The following ATP13A4 variants were observed in gnomAD, a reference collection of about 807,000 sequenced individuals.
The protein encoded by ATP13A4 is probable cation-transporting ATPase 13A4.
A neutral mutation model predicts 142.5 loss-of-function variants in ATP13A4; 114 were observed. The ratio of observed to expected loss-of-function variants is 0.80; its 90% confidence interval spans 0.69 to 0.93. ATP13A4 has a LOEUF of 0.93. ATP13A4 is among the 40% of genes least tolerant of loss of function. The pLI is 0.00. For synonymous variants in ATP13A4, 488 were observed against 514.8 expected (o/e 0.95, Z 0.70); for missense variants, 1,392 against 1,454.0 (o/e 0.96, Z 0.69).
intron 14 of ATP13A4, among the ~76,000 whole-genome samples, chr3:193,457,932 C>T (rs1717732979): frequency 6.6e-6 from 1 of 152,182 alleles, no homozygotes; most frequent in Non-Finnish European, 1.5e-5. Context: ...GGTTAATAAT[C>T]AGTAATTGCT....
intron 1 of ATP13A4, among the ~76,000 whole-genome samples, chr3:193,584,287 C>A (rs1030788390): frequency 6.6e-6 from 1 of 152,030 alleles, no homozygotes; most frequent in African/African-American, 2.4e-5. Flanking sequence ...AAAGGTTTGA[C>A]CAGTCACTGC....
upstream of ATP13A4, among the ~76,000 whole-genome samples, chr3:193,558,676 G>A (rs1723953909): frequency 6.6e-6 from 1 of 152,168 alleles, no homozygotes; most frequent in Non-Finnish European, 1.5e-5. Flanking sequence ...GGTGGGAAAG[G>A]AAAGCATTAT....
intron 5 of ATP13A4, among the ~76,000 whole-genome samples, chr3:193,492,476 T>C (rs1406667496): frequency 6.6e-6 from 1 of 152,204 alleles, no homozygotes; most frequent in Non-Finnish European, 1.5e-5. Context: ...GCTCCATGGT[T>C]ATTATTTAAC....
intron 25 of ATP13A4, among the ~76,000 whole-genome samples, chr3:193,417,711 C>T (rs113909263): frequency 0.053 from 8,013 of 150,952 alleles, 1,012 homozygotes; most frequent in African/African-American, 0.18. Context: ...ATTGGCCAGG[C>T]GCGGTGGCTC....
intron 1 of ATP13A4, among the ~76,000 whole-genome samples, chr3:193,527,567 A>T (rs531946730): frequency 1.7e-4 from 26 of 150,758 alleles, no homozygotes; most frequent in African/African-American, 5.6e-4. Flanking sequence ...AGCTGAGATC[A>T]CGCCACTGCA....
rs1401580593 is a variant in ATP13A4 at position 193,489,695 on chromosome 3, C to T, written c.738+35G>A. On this transcript the variant is annotated intron_variant, in intron 7 of 29. Coordinates refer to ENST00000342695, the MANE Select transcript of ATP13A4 (RefSeq NM_032279.4). ...TTTTTAATAAAGTCATTATCCTTCC[C>T]TTTATGAAACCATAGAATTAATAGA... The T allele has an allele frequency of 6.9e-6, 11 of 1,584,838 alleles. No individual in the cohort carries two copies. In the African/African-American group the frequency reaches 1.2e-4, roughly 17 times the overall value.
At chr3:193,564,182 C>T (rs1724083877) in intron 2 of ATP13A4, among the ~76,000 whole-genome samples, 1 of 152,236 alleles carries the variant, frequency 6.6e-6, no homozygotes, top group Admixed American at 6.5e-5. Context: ...ACCTGCCTAG[C>T]TGGGCCTTGC....
chr3:193,493,386 A>G (rs1309971304), intron 3 of ATP13A4, among the ~76,000 whole-genome samples: 2 of 152,208 alleles, frequency 1.3e-5, no homozygotes, highest in African/African-American at 4.8e-5. Flanking sequence ...TACTATATAG[A>G]AAAATATATA....
intron 1 of ATP13A4, among the ~76,000 whole-genome samples, chr3:193,539,483 C>G (rs529031039): frequency 6.6e-6 from 1 of 152,362 alleles, no homozygotes; most frequent in African/African-American, 2.4e-5. Context: ...GATACATGCT[C>G]TACCCTAAAA....
At chr3:193,417,375 C>G (rs1298509072) in intron 25 of ATP13A4, among the ~76,000 whole-genome samples, 1 of 152,114 alleles carries the variant, frequency 6.6e-6, no homozygotes, top group Non-Finnish European at 1.5e-5. Context: ...CTTTATATAT[C>G]CATGTTATTT....
Position 193,517,655 on chromosome 3 carries a change from T to C in ATP13A4, c.61-2784A>G, listed in dbSNP as rs193251416. On this transcript the variant is annotated intron_variant, in intron 1 of 29. Coordinates refer to ENST00000342695, the MANE Select transcript of ATP13A4 (RefSeq NM_032279.4). Reference sequence around the variant, plus strand: ...GCCACCACGCCCGGCTAATTTTTTTTGTATTTTTTTAGTAGAGACGGGGTT... The same window carrying C: ...GCCACCACGCCCGGCTAATTTTTTTCGTATTTTTTTAGTAGAGACGGGGTT... Among the ~76,000 whole-genome samples the C allele has an allele frequency of 1.3e-3, 193 of 151,918 alleles. 1 individual carries two copies. Among genetic ancestry groups the C allele is most frequent in the African/African-American group, 4.3e-3 (178 of 41,440 alleles).
chr3:193,592,370 A>G (rs1164735262), intron 1 of ATP13A4, among the ~76,000 whole-genome samples: 2 of 152,196 alleles, frequency 1.3e-5, no homozygotes, highest in Non-Finnish European at 2.9e-5. Flanking sequence ...GGGCCTGTCC[A>G]ACATTGAGAA....
intron 1 of ATP13A4, among the ~76,000 whole-genome samples, chr3:193,533,173 A>C (rs1209848569): frequency 6.6e-6 from 1 of 152,174 alleles, no homozygotes; most frequent in African/African-American, 2.4e-5. Context: ...TGAGGCCAAG[A>C]GTTCAAGAGC....
At chr3:193,510,501 A>G (rs897140709) in intron 2 of ATP13A4, among the ~76,000 whole-genome samples, 5 of 152,226 alleles carry the variant, frequency 3.3e-5, no homozygotes, top group African/African-American at 1.2e-4. Flanking sequence ...AATTCAAAAC[A>G]ATGCATATAA....
rs942575656 is a variant in ATP13A4, at chr3:193,402,393, C to G, written c.*259G>C. 27 of 460,722 alleles carry G rather than the reference C, an allele frequency of 5.9e-5. No individual in the cohort carries two copies. Among genetic ancestry groups the G allele is most frequent in the Middle Eastern group, 6.3e-4 (1 of 1,588 alleles). The allele number at this position is 460,722 out of a possible 1,614,324, so 28.5% of individuals were successfully genotyped here. A position where few individuals can be genotyped will look rare whatever the true frequency, so the allele number is the denominator to read the frequency against. On this transcript the variant is annotated 3_prime_UTR_variant, in exon 30 of 30. Transcript: ENST00000342695. ...CCTTTAGCCTGCTTGTCTCTTGGCC[C>G]ATAGAAATTCTTGGCCCATTCTTGC...
chr3:193,401,051 T>C lies in ATP13A4; in HGVS notation c.*1601A>G, dbSNP rs912517994. Among the ~76,000 whole-genome samples the C allele has an allele frequency of 6.6e-6, 1 of 152,306 alleles. No homozygotes were observed. Among genetic ancestry groups the C allele is most frequent in the South Asian group, 2.1e-4 (1 of 4,826 alleles). ...GTACCCTCATGGCTGGGAGACACCATGTTCCTAGAATCAGCTGCAATCATA... is the reference window on the plus strand; with the variant it reads ...GTACCCTCATGGCTGGGAGACACCACGTTCCTAGAATCAGCTGCAATCATA... On this transcript the variant is annotated 3_prime_UTR_variant, in exon 30 of 30. Coordinates refer to ENST00000342695, the MANE Select transcript of ATP13A4 (RefSeq NM_032279.4).
rs760716549 is a variant in ATP13A4 at position 193,493,150 on chromosome 3, A to G, written c.392T>C (p.Ile131Thr). 12 of 1,612,632 alleles carry G rather than the reference A, an allele frequency of 7.4e-6. No homozygotes were observed. The Admixed American group carries it at 1.7e-4, about 22-fold the overall frequency. Reference protein sequence around the residue: ...IRKPDLKVRCIKVQKIRYVWN... With the variant: ...IRKPDLKVRCTKVQKIRYVWN... ...AACATATCTTATTTTCTGCACTTTG[A>G]TGCATCTCACCTGCAAAAGAAAAGT... is the stretch of plus-strand genomic sequence containing the variant. Residue 131 changes from isoleucine (I) to threonine (T), a missense_variant, in exon 4 of 30, where the codon ATC becomes ACC. Coordinates refer to ENST00000342695, the MANE Select transcript of ATP13A4 (RefSeq NM_032279.4).
chr3:193,435,799 A>C, intron 23 of ATP13A4, 55 bp from the exon 24 acceptor site: 2 of 1,446,916 alleles, frequency 1.4e-6, no homozygotes, highest in Non-Finnish European at 1.9e-6. Context: ...ACATAAGGTC[A>C]GTCATTCTGT....
chr3:193,502,094 A>C (rs1433828917), intron 3 of ATP13A4, among the ~76,000 whole-genome samples: 1 of 152,162 alleles, frequency 6.6e-6, no homozygotes, highest in Non-Finnish European at 1.5e-5. Flanking sequence ...GCACCTGTGA[A>C]TAGCCACTGC....
Sources: gnomAD v4.1 joint callset for allele counts (sites outside exome capture counted in the v4.1 genomes callset) on GRCh38, gnomAD v4.1.1 for gene constraint, MANE v1.5 for transcripts, NCBI Gene and HGNC (gene_info 2026-07-23, HGNC 2026-07-21) for gene names.